GIMAP8: variants seen among roughly 807,000 people sequenced by gnomAD.
The protein encoded by GIMAP8 is GTPase IMAP family member 8.
A neutral mutation model predicts 35.6 loss-of-function variants in GIMAP8; 29 were observed. The ratio of observed to expected loss-of-function variants is 0.81; its 90% CI spans 0.61 to 1.11. The LOEUF (loss-of-function observed/expected upper bound fraction) is 1.11. GIMAP8 is among the 50% of genes most tolerant of loss of function. The pLI is 0.00. For synonymous variants in GIMAP8, 335 were observed against 308.7 expected, an observed-to-expected ratio of 1.09 and a Z score of -0.89; for missense variants, 811 against 805.0, an observed-to-expected ratio of 1.01 and a Z score of -0.09.
Position 150,451,449 on chromosome 7 carries a change from G to A in GIMAP8, c.-29+274G>A, listed in dbSNP as rs1056977233. Among the ~76,000 whole-genome samples, 2 of 152,158 alleles carry A rather than the reference G, an allele frequency of 1.3e-5. No individual in the cohort carries two copies. The highest frequency in any genetic ancestry group is 2.9e-5 in the Non-Finnish European group (2 of 68,018). On this transcript the variant is annotated intron_variant, in intron 1 of 4. Coordinates refer to ENST00000307271, the MANE Select transcript of GIMAP8 (RefSeq NM_175571.4). This position sits in a 1 kb window ranked among gnomAD's most constrained non-coding sequence, Gnocchi z 4.1. ...GGAAGCTTTCCTCCTGGTCCAAAGCGTGTCTCCCCAGCCTGCTGGGGAGTA... is the reference window on the plus strand; with the variant it reads ...GGAAGCTTTCCTCCTGGTCCAAAGCATGTCTCCCCAGCCTGCTGGGGAGTA...
chr7:150,465,970 A>T, intron 1 of GIMAP8, among the ~76,000 whole-genome samples: 1 of 152,176 alleles, frequency 6.6e-6, no homozygotes, highest in East Asian at 1.9e-4. Context: ...AGTGGCCTCT[A>T]CAGATCTCAG....
chr7:150,454,067 T>A lies in GIMAP8; in HGVS notation c.-29+2892T>A, dbSNP rs559666002. On this transcript the variant is annotated intron_variant, in intron 1 of 4. Transcript: ENST00000307271. ...TGCTCAGGCACATGTCTTGCACATG[T>A]CTGCAAGGGACAATGCCCCAGTTCA... is the stretch of plus-strand genomic sequence containing the variant. 2.0e-5 allele frequency among the ~76,000 whole-genome samples: 3 copies of A among 152,180 alleles called. No homozygotes were observed. The East Asian group carries it at 5.8e-4, about 29-fold the overall frequency.
chr7:150,477,485 A>G lies in GIMAP8; in HGVS notation c.1703A>G (p.Glu568Gly). ...KYAIMLFTRK[E>G]DLGAGNLEDF... is the part of the protein sequence containing the mutation. The stretch of plus-strand genomic sequence containing the variant: ...GCGATTATGCTGTTCACCCGGAAGG[A>G]AGACCTAGGGGCGGGGAATTTGGAA... The change falls in exon 5 of 5, where the codon GAA (glutamate) becomes GGA (glycine). Residue 568 changes from glutamate to glycine, a missense_variant. Coordinates refer to ENST00000307271, the MANE Select transcript of GIMAP8 (RefSeq NM_175571.4). 1 of 1,614,204 alleles carries G rather than the reference A, an allele frequency of 6.2e-7. No homozygotes were observed. The highest frequency in any genetic ancestry group is 8.5e-7 in the Non-Finnish European group (1 of 1,180,026).
intron 2 of GIMAP8, among the ~76,000 whole-genome samples, chr7:150,470,433 G>A (rs1372684641): frequency 6.6e-6 from 1 of 152,122 alleles, no homozygotes; most frequent in Non-Finnish European, 1.5e-5. Context: ...AGAAGGGGAT[G>A]TCAGTTAGGT....
At chr7:150,474,699 T>A in intron 4 of GIMAP8, 61 bp downstream of exon 4, 6 of 1,059,792 alleles carry the variant, frequency 5.7e-6, no homozygotes, top group Non-Finnish European at 7.7e-6. Context: ...GTATAAAATA[T>A]ATAAGAACTT....
At chr7:150,454,850 G>A (rs1801692255) in intron 1 of GIMAP8, among the ~76,000 whole-genome samples, 1 of 152,044 alleles carries the variant, frequency 6.6e-6, no homozygotes, top group African/African-American at 2.4e-5. Flanking sequence ...ATTTAAAACT[G>A]GTCAACAGGC....
chr7:150,464,212 T>C (rs1434353437), intron 1 of GIMAP8, among the ~76,000 whole-genome samples: 1 of 152,346 alleles, frequency 6.6e-6, no homozygotes, highest in African/African-American at 2.4e-5. Context: ...AAAATGCTCA[T>C]TTACATGTAA....
chr7:150,477,150 C>T lies in GIMAP8; in HGVS notation c.1368C>T (p.Asn456=), dbSNP rs140969132. ...RSGTGKSATG[N]SILGSLVFTS... is the part of the protein sequence containing the mutation. The stretch of plus-strand genomic sequence containing the variant: ...GGACTGGGAAGAGTGCGACCGGGAA[C>T]TCTATCCTGGGGAGCCTCGTCTTCA... The change falls in exon 5 of 5, where the codon AAC becomes AAT. Residue 456 remains asparagine (N), a synonymous_variant. Transcript: ENST00000307271. 6 of 1,613,784 alleles carry T rather than the reference C, an allele frequency of 3.7e-6. No individual in the cohort carries two copies. The highest frequency in any genetic ancestry group is 1.3e-5 in the African/African-American group (1 of 74,894).
At chr7:150,462,979 A>G (rs1029113512) in intron 1 of GIMAP8, among the ~76,000 whole-genome samples, 1 of 152,068 alleles carries the variant, frequency 6.6e-6, no homozygotes, top group Non-Finnish European at 1.5e-5. Flanking sequence ...AAATTCAAGT[A>G]TTTGTTTACT....
In GIMAP8 at chr7:150,451,845, A is replaced by G. The variant is rs2116579000; in HGVS notation, c.-29+670A>G. ...AAGCAATATTTCTGATTTCACCTAC[A>G]TTTCAGCCAACCTGGTCCTCAGCAG... On this transcript the variant is annotated intron_variant, in intron 1 of 4. Transcript: ENST00000307271. This position sits in a 1 kb window ranked among gnomAD's most constrained non-coding sequence, Gnocchi z 4.1. Among the ~76,000 whole-genome samples, 1 of 152,220 alleles carries G rather than the reference A, an allele frequency of 6.6e-6. No individual in the cohort carries two copies. The highest frequency in any genetic ancestry group is 2.1e-4 in the South Asian group (1 of 4,816).
Position 150,477,298 on chromosome 7 carries a change from G to C in GIMAP8, c.1516G>C (p.Asp506His). The C allele has an allele frequency of 6.2e-7, 1 of 1,614,112 alleles. No homozygotes were observed. The highest frequency in any genetic ancestry group is 8.5e-7 in the Non-Finnish European group (1 of 1,180,010). ...CAACCAGATGCTGGATGTCGAAAAG[G>C]ACCCATCCCGGTTAGAAGAGGAGGT... ...SFNQMLDVEK[D>H]PSRLEEEVKR... The change falls in exon 5 of 5, where the codon GAC (aspartate) becomes CAC (histidine). Residue 506 changes from aspartate (D) to histidine (H), a missense_variant. Physicochemically the swap from Asp to His is moderately conservative, Grantham distance 81 (BLOSUM62 -1). Coordinates refer to ENST00000307271, the MANE Select transcript of GIMAP8 (RefSeq NM_175571.4).
rs1187165512 is a variant in GIMAP8 at position 150,474,328 on chromosome 7, G to A, written c.999G>A (p.Leu333=). Residue 333 remains leucine (L), a synonymous_variant, in exon 4 of 5, where the codon CTG becomes CTA. Transcript: ENST00000307271. ...GPHAFLLVTP[L]GFYTKNDEAV... ...ATGCCTTCCTGCTGGTGACACCACTGGGCTTTTACACTAAGAATGATGAGG... is the reference window on the plus strand; with the variant it reads ...ATGCCTTCCTGCTGGTGACACCACTAGGCTTTTACACTAAGAATGATGAGG... 2.5e-6 allele frequency: 4 copies of A among 1,614,128 alleles called. No homozygotes were observed. The South Asian group carries it at 3.3e-5, about 13-fold the overall frequency.
chr7:150,460,497 G>C (rs982161086), intron 1 of GIMAP8, among the ~76,000 whole-genome samples: 4 of 152,204 alleles, frequency 2.6e-5, no homozygotes, highest in Non-Finnish European at 5.9e-5. Flanking sequence ...TAAACAGAAT[G>C]AACAACCAGG....
At chr7:150,469,703 C>T (rs1802045185) in intron 2 of GIMAP8, among the ~76,000 whole-genome samples, 1 of 150,832 alleles carries the variant, frequency 6.6e-6, no homozygotes, top group South Asian at 2.1e-4. Context: ...GAACTCTATG[C>T]CCTGGAAATA....
chr7:150,477,165 C>T lies in GIMAP8; in HGVS notation c.1383C>T (p.Ser461=). The T allele has an allele frequency of 4.3e-6, 7 of 1,614,074 alleles. No homozygotes were observed. The highest frequency in any genetic ancestry group is 5.9e-6 in the Non-Finnish European group (7 of 1,179,996). Residue 461 remains serine (S), a synonymous_variant, in exon 5 of 5, where the codon AGC becomes AGT. Transcript: ENST00000307271. ...CGACCGGGAACTCTATCCTGGGGAG[C>T]CTCGTCTTCACCTCTCGGCTCCGGG... ...KSATGNSILG[S]LVFTSRLRAQ...
At chr7:150,473,959 C>T in intron 3 of GIMAP8, 53 bp from the exon 4 acceptor site, 1 of 1,545,098 alleles carries the variant, frequency 6.5e-7, no homozygotes, top group South Asian at 1.3e-5. Context: ...AACCTGCCCA[C>T]ATCCATATTC....
rs1159764636 is a variant in GIMAP8, at chr7:150,466,673, C to T, written c.-26C>T. On this transcript the variant is annotated splice_region_variant and 5_prime_UTR_variant, in exon 2 of 5. Coordinates refer to ENST00000307271, the MANE Select transcript of GIMAP8 (RefSeq NM_175571.4). ...TGTGTTGTTTTCTGTCCCAACAGAA[C>T]AAGCGGGAGCCTGTGTCAGGAAAGC... 1 of 1,608,126 alleles carries T rather than the reference C, an allele frequency of 6.2e-7. No individual in the cohort carries two copies. The highest frequency in any genetic ancestry group is 1.3e-5 in the African/African-American group (1 of 74,796).
Position 150,474,108 on chromosome 7 carries a change from A to G in GIMAP8, c.779A>G (p.Lys260Arg). Residue 260 changes from lysine (K) to arginine (R), a missense_variant, in exon 4 of 5, where the codon AAA becomes AGA. By Grantham distance (26) the Lys-to-Arg change is conservative. Coordinates refer to ENST00000307271, the MANE Select transcript of GIMAP8 (RefSeq NM_175571.4). Reference protein sequence around the residue: ...VLLVGKRGAGKSAAGNSILGR... With the variant: ...VLLVGKRGAGRSAAGNSILGR... ...CTTGTGGGGAAACGCGGTGCTGGAA[A>G]AAGTGCAGCAGGAAACAGCATTCTG... 3 of 1,614,172 alleles carry G rather than the reference A, an allele frequency of 1.9e-6. No individual in the cohort carries two copies. Among genetic ancestry groups the G allele is most frequent in the Non-Finnish European group, 2.5e-6 (3 of 1,180,032 alleles).
At chr7:150,454,818 A>G (rs1801691677) in intron 1 of GIMAP8, among the ~76,000 whole-genome samples, 1 of 152,216 alleles carries the variant, frequency 6.6e-6, no homozygotes, top group Non-Finnish European at 1.5e-5. Flanking sequence ...TCAAAAAGAA[A>G]TCATACTTGA....
Sources: allele counts gnomAD v4.1 joint callset (sites outside exome capture counted in the v4.1 genomes callset), GRCh38; gene constraint gnomAD v4.1.1; non-coding constraint Gnocchi (gnomAD v3.1); transcripts MANE v1.5; gene names NCBI Gene and HGNC (gene_info 2026-07-23, HGNC 2026-07-21).